Variants in ZNF207 observed in about 807,000 individuals in gnomAD.
ZNF207 encodes zinc finger protein 207.
In ZNF207, 24 loss-of-function variants were observed where a neutral mutation model predicts 60.2. That is an observed-to-expected ratio of 0.40 (90% CI 0.29 to 0.56). The LOEUF (loss-of-function observed/expected upper bound fraction) is 0.56, where lower values mean the gene tolerates loss of function less well. ZNF207 is among the 20% of genes least tolerant of loss of function. The pLI is 0.49. For missense variants in ZNF207, 452 were observed against 636.6 expected (o/e 0.71, Z 3.12); for synonymous variants, 236 against 194.7 (o/e 1.21, Z -1.77).
Position 32,367,817 on chromosome 17 carries a change from T to A in ZNF207, c.967T>A (p.Leu323Ile). The change falls in exon 10 of 12, where the codon TTA becomes ATA. Residue 323 changes from leucine to isoleucine, a missense_variant. Physicochemically the swap from Leu to Ile is conservative, Grantham distance 5. Transcript: ENST00000394670. ...ACCTGTTGGTACAGATTTCAAACCC[T>A]TAAATAGTACCCCTGCAACAACTAC... Reference protein sequence around the residue: ...QGPVGTDFKPLNSTPATTTEP... With the variant: ...QGPVGTDFKPINSTPATTTEP... The A allele has an allele frequency of 6.2e-7, 1 of 1,614,156 alleles. No homozygotes were observed.
At chr17:32,363,736 C>T (rs376186149) in intron 7 of ZNF207, among the ~76,000 whole-genome samples, 3 of 151,100 alleles carry the variant, frequency 2.0e-5, no homozygotes, top group Admixed American at 6.6e-5. Flanking sequence ...TTCGCCATGT[C>T]GGCCAGCTGG....
chr17:32,351,662 A>C (rs1223439035), intron 1 of ZNF207, 124 bp from the exon 2 acceptor site: 2 of 1,585,544 alleles, frequency 1.3e-6, no homozygotes, highest in East Asian at 2.3e-5. Context: ...AAATATAAAA[A>C]GCAGAGTTTC....
chr17:32,366,397 T>G (rs1222715475), intron 8 of ZNF207, among the ~76,000 whole-genome samples: 1 of 152,210 alleles, frequency 6.6e-6, no homozygotes, highest in Non-Finnish European at 1.5e-5. Flanking sequence ...CAGTTTCAGG[T>G]ATCATTCTTG....
chr17:32,350,260 T>G lies in ZNF207; in HGVS notation c.-26T>G. ...TTTCTCCTGCTTCTTTTCTCCTCCCTTTTACTTTGCCGGTAGAACACAGTT... is the reference window on the plus strand; with the variant it reads ...TTTCTCCTGCTTCTTTTCTCCTCCCGTTTACTTTGCCGGTAGAACACAGTT... On this transcript the variant is annotated 5_prime_UTR_variant, in exon 1 of 12. Transcript: ENST00000394670. The G allele has an allele frequency of 6.2e-7, 1 of 1,613,618 alleles. No homozygotes were observed. The highest frequency in any genetic ancestry group is 2.2e-5 in the East Asian group (1 of 44,852).
At chr17:32,353,164 ACT>A (rs1904312053) in intron 2 of ZNF207, among the ~76,000 whole-genome samples, 2 of 151,726 alleles carry the variant, frequency 1.3e-5, no homozygotes, top group Admixed American at 6.6e-5. Flanking sequence ...ACAGGGTGAG[ACT>A]CTGTCTCAAT....
rs371425544 is a variant in ZNF207 at position 32,350,233 on chromosome 17, C to G, written c.-53C>G. 6.2e-7 allele frequency: 1 copy of G among 1,612,808 alleles called. No individual in the cohort carries two copies. Among genetic ancestry groups the G allele is most frequent in the East Asian group, 2.2e-5 (1 of 44,842 alleles). On this transcript the variant is annotated 5_prime_UTR_variant, in exon 1 of 12. Coordinates refer to ENST00000394670, the MANE Select transcript of ZNF207 (RefSeq NM_001098507.2). ...TGGGAAAGTGAGGGATTTTTGGCCT[C>G]GTTTCTCCTGCTTCTTTTCTCCTCC...
chr17:32,355,396 G>A (rs918450124), intron 2 of ZNF207, among the ~76,000 whole-genome samples: 1 of 152,120 alleles, frequency 6.6e-6, no homozygotes, highest in Non-Finnish European at 1.5e-5. Context: ...TCTCAAAAAT[G>A]TTTATTTTGA....
chr17:32,361,087 A>G (rs970552323), intron 5 of ZNF207, 120 bp downstream of exon 5: 21 of 997,304 alleles, frequency 2.1e-5, no homozygotes, highest in African/African-American at 1.1e-4. Flanking sequence ...TATGGGCTCT[A>G]TATATCTTGT....
chr17:32,360,137 T>C (rs1027480970), intron 3 of ZNF207, among the ~76,000 whole-genome samples: 1 of 140,600 alleles, frequency 7.1e-6, no homozygotes, highest in Non-Finnish European at 1.5e-5. Flanking sequence ...GCTGAGGCCG[T>C]AGGATCACTT....
At chr17:32,352,686 C>A (rs553080576) in intron 2 of ZNF207, among the ~76,000 whole-genome samples, 1 of 152,276 alleles carries the variant, frequency 6.6e-6, no homozygotes, top group Admixed American at 6.5e-5. Context: ...TTTGGAATGG[C>A]AGCATTGTAC....
At chr17:32,357,333 A>ATTTTTT (rs1313202545) in intron 2 of ZNF207, among the ~76,000 whole-genome samples, 1 of 89,156 alleles carries the variant, frequency 1.1e-5, no homozygotes, top group African/African-American at 4.6e-5. Context: ...TATTATTATT[A>ATTTTTT]TTATTATTAT....
Position 32,373,123 on chromosome 17 carries a change from G to T in ZNF207, c.*3364G>T. 3.2e-6 allele frequency: 1 copy of T among 311,092 alleles called. No individual in the cohort carries two copies. The highest frequency in any genetic ancestry group is 1.1e-4 in the South Asian group (1 of 8,810). 19.3% of individuals were successfully genotyped at this position (311,092 alleles called of 1,614,324 possible). On this transcript the variant is annotated 3_prime_UTR_variant, in exon 12 of 12. Coordinates refer to ENST00000394670, the MANE Select transcript of ZNF207 (RefSeq NM_001098507.2). ...GTAGTGTCTCACACATTTGCCATTA[G>T]GTATGAATAAAATATTCCTACTGTA...
In ZNF207 at chr17:32,369,811, G is replaced by C. The variant is rs746661026; in HGVS notation, c.*52G>C. On this transcript the variant is annotated 3_prime_UTR_variant, in exon 12 of 12. Coordinates refer to ENST00000394670, the MANE Select transcript of ZNF207 (RefSeq NM_001098507.2). The stretch of plus-strand genomic sequence containing the variant: ...TGGAGATTAAACCTTTTCTCAACTT[G>C]TGCTGTTTATATAGCCAAGCTTCCG... 7.2e-7 allele frequency: 1 copy of C among 1,387,784 alleles called. No homozygotes were observed. The highest frequency in any genetic ancestry group is 2.2e-5 in the South Asian group (1 of 45,886). The allele number at this position is 1,387,784 out of a possible 1,614,324, so 86.0% of individuals were successfully genotyped here.
intron 5 of ZNF207, 164 bp from the exon 6 acceptor site, chr17:32,361,304 G>C: frequency 1.7e-6 from 1 of 593,372 alleles, no homozygotes; most frequent in East Asian, 2.9e-5. Context: ...GAGAAACTCT[G>C]TAAATGATTT....
intron 7 of ZNF207, among the ~76,000 whole-genome samples, chr17:32,363,824 C>T (rs1905023333): frequency 6.6e-6 from 1 of 151,696 alleles, no homozygotes; most frequent in South Asian, 2.1e-4. Context: ...AGCCACTGTG[C>T]CCAGCCCCAA....
rs1026961748 is a variant in ZNF207, at chr17:32,366,295, T to C, written c.829-370T>C. On this transcript the variant is annotated intron_variant, in intron 8 of 11. Coordinates refer to ENST00000394670, the MANE Select transcript of ZNF207 (RefSeq NM_001098507.2). ...TATGGTGGGTGGAAATTTTATGTAT[T>C]GAGAGATGTAAAACTTTTGGCAAAA... 2.7e-5 allele frequency among the ~76,000 whole-genome samples: 4 copies of C among 147,448 alleles called. No homozygotes were observed. In the East Asian group the frequency reaches 7.7e-4, roughly 28 times the overall value.
At chr17:32,356,649 G>A (rs750136682) in intron 2 of ZNF207, among the ~76,000 whole-genome samples, 2 of 152,156 alleles carry the variant, frequency 1.3e-5, no homozygotes, top group Non-Finnish European at 2.9e-5. Flanking sequence ...TAAGTCATTA[G>A]CCTAAATGAG....
At position 32,380,864 on chromosome 17, in the gene ZNF207, G is replaced by C. The variant is rs574828774; in HGVS notation, c.*11105G>C. The C allele has an allele frequency of 2.0e-5, 3 of 152,276 alleles. No homozygotes were observed. Among genetic ancestry groups the C allele is most frequent in the Admixed American group, 1.3e-4 (2 of 15,282 alleles). The allele number at this position is 152,276 out of a possible 1,614,324, so 9.4% of individuals were successfully genotyped here. A position where few individuals can be genotyped will look rare whatever the true frequency, so the allele number is the denominator to read the frequency against. ...CCCAGCTACTCTGGAGGCTGAGGCA[G>C]GAAAATCGCTTGAACCCAGGGGGAG... On this transcript the variant is annotated 3_prime_UTR_variant, in exon 12 of 12. Coordinates refer to ENST00000394670, the MANE Select transcript of ZNF207 (RefSeq NM_001098507.2).
Position 32,369,637 on chromosome 17 carries a change from C to T in ZNF207, c.1363C>T (p.Leu455Phe). 1 of 1,577,916 alleles carries T rather than the reference C, an allele frequency of 6.3e-7. No individual in the cohort carries two copies. Among genetic ancestry groups the T allele is most frequent in the Non-Finnish European group, 8.6e-7 (1 of 1,162,208 alleles). ...TCATCATCAAGGCATGCCAGGATAC[C>T]TTCCTGGTGCTATGCCCCCGTATGG... ...GGHHQGMPGYLPGAMPPYGQG... is the reference protein window; with the variant it reads ...GGHHQGMPGYFPGAMPPYGQG... The change falls in exon 12 of 12, where the codon CTT becomes TTT. Residue 455 changes from leucine (L) to phenylalanine (F), a missense_variant. Physicochemically the swap from Leu to Phe is conservative, Grantham distance 22. This residue lies in a region of ZNF207 where 390 missense variants were observed against 461.4 expected (regional missense o/e 0.85). Transcript: ENST00000394670.
Sources: allele counts gnomAD v4.1 joint callset (sites outside exome capture counted in the v4.1 genomes callset), GRCh38; gene constraint gnomAD v4.1.1; regional missense constraint gnomAD v4.1.1; transcripts MANE v1.5; gene names NCBI Gene and HGNC (gene_info 2026-07-23, HGNC 2026-07-21).